The following MCTP1 variants were observed in gnomAD, a reference collection of about 807,000 sequenced individuals.
MCTP1 encodes multiple C2 and transmembrane domain containing 1, also known as multiple C2 and transmembrane domain-containing protein 1.
MCTP1 carries 69 observed loss-of-function variants against 120.6 expected under a neutral mutation model. That is an observed-to-expected ratio of 0.57 (90% CI 0.47 to 0.70). The LOEUF is 0.70. MCTP1 is among the 30% of genes least tolerant of loss of function. The pLI is 0.00. For synonymous variants in MCTP1, 529 were observed against 493.1 expected (o/e 1.07, Z -0.96); for missense variants, 1,203 against 1,248.8 (o/e 0.96, Z 0.55).
chr5:95,067,268 C>T (rs1013168057), intron 1 of MCTP1, among the ~76,000 whole-genome samples: 2 of 152,182 alleles, frequency 1.3e-5, no homozygotes, highest in East Asian at 3.9e-4. Context: ...TTCAAAATAT[C>T]GAAAGGAGGG....
chr5:95,203,011 G>A (rs578015168), intron 1 of MCTP1, among the ~76,000 whole-genome samples: 2 of 152,194 alleles, frequency 1.3e-5, no homozygotes, highest in African/African-American at 2.4e-5. Context: ...TTACAGGCAT[G>A]AGCCACCACT....
intron 1 of MCTP1, among the ~76,000 whole-genome samples, chr5:95,099,508 A>G (rs1224855881): frequency 2.0e-5 from 3 of 152,114 alleles, no homozygotes; most frequent in African/African-American, 7.2e-5. Context: ...TGCAGCCAAA[A>G]AACACATGAA....
At chr5:95,021,607 C>T (rs1044750873) in intron 1 of MCTP1, among the ~76,000 whole-genome samples, 1 of 151,822 alleles carries the variant, frequency 6.6e-6, no homozygotes, top group Non-Finnish European at 1.5e-5. Context: ...CATTTCCATT[C>T]TGATAAGGTT....
chr5:95,097,254 A>G (rs1756340957), intron 1 of MCTP1, among the ~76,000 whole-genome samples: 1 of 152,242 alleles, frequency 6.6e-6, no homozygotes, highest in Admixed American at 6.5e-5. Flanking sequence ...TATGAAAAAA[A>G]TAAGATAGGT....
chr5:94,871,721 A>G (rs1797884596), intron 13 of MCTP1, among the ~76,000 whole-genome samples: 3 of 152,122 alleles, frequency 2.0e-5, no homozygotes, highest in Admixed American at 1.3e-4. Context: ...AAAAATCAAG[A>G]AGTAGCACTG....
intron 19 of MCTP1, among the ~76,000 whole-genome samples, chr5:94,754,033 C>A (rs1331804140): frequency 6.6e-6 from 1 of 152,170 alleles, no homozygotes; most frequent in Non-Finnish European, 1.5e-5. Context: ...TAAAATATAT[C>A]TTATTTACCT....
chr5:94,956,166 A>C (rs1431510284), intron 2 of MCTP1, among the ~76,000 whole-genome samples: 4 of 152,234 alleles, frequency 2.6e-5, no homozygotes, highest in Non-Finnish European at 4.4e-5. Context: ...GAACTGCAGA[A>C]GAGGGACCTG....
chr5:95,217,554 T>C lies in MCTP1; in HGVS notation c.720+66302A>G, dbSNP rs139922562. On this transcript the variant is annotated intron_variant, in intron 1 of 22. Coordinates refer to ENST00000515393, the MANE Select transcript of MCTP1 (RefSeq NM_024717.7). ...AGGGAATGTGAGGTCATAATCTCTG[T>C]CATTAAACTCCCATGAAGTCAGACA... Among the ~76,000 whole-genome samples, 895 of 152,306 alleles carry C rather than the reference T, an allele frequency of 5.9e-3. 2 individuals are homozygous for C. The highest frequency in any genetic ancestry group is 0.027 in the Middle Eastern group (8 of 294).
At chr5:94,954,430 G>T (rs1283815421) in intron 2 of MCTP1, among the ~76,000 whole-genome samples, 1 of 151,756 alleles carries the variant, frequency 6.6e-6, no homozygotes, top group South Asian at 2.1e-4. Context: ...GAGGGGTGAA[G>T]AATGAAATAC....
chr5:94,913,178 G>T (rs1221588318), intron 8 of MCTP1, among the ~76,000 whole-genome samples: 1 of 151,910 alleles, frequency 6.6e-6, no homozygotes, highest in African/African-American at 2.4e-5. Context: ...TAAATTCGTT[G>T]TGTAAAAGAG....
At chr5:95,123,651 CTTTT>C (rs67736041) in intron 1 of MCTP1, among the ~76,000 whole-genome samples, 21 of 145,356 alleles carry the variant, frequency 1.4e-4, no homozygotes, top group Admixed American at 2.7e-4. Flanking sequence ...ACAAGCTCTG[CTTTT>C]TTTTTTTTTT....
intron 8 of MCTP1, among the ~76,000 whole-genome samples, chr5:94,914,294 A>C (rs1809514464): frequency 6.6e-6 from 1 of 152,182 alleles, no homozygotes; most frequent in South Asian, 2.1e-4. Flanking sequence ...GATTAGCACT[A>C]CTTTCTATCT....
chr5:94,944,341 T>A (rs2153513501), intron 3 of MCTP1, among the ~76,000 whole-genome samples: 1 of 152,300 alleles, frequency 6.6e-6, no homozygotes, highest in Middle Eastern at 3.4e-3. Context: ...TTTAGTCATC[T>A]GCTCAGTGGT....
intron 1 of MCTP1, among the ~76,000 whole-genome samples, chr5:95,150,939 G>A (rs1452280625): frequency 6.6e-6 from 1 of 151,978 alleles, no homozygotes; most frequent in Admixed American, 6.6e-5. Flanking sequence ...AATGTATACT[G>A]TAATCTTACA....
rs201449903 is a variant in MCTP1 at position 94,735,445 on chromosome 5, A to AT, written c.2611-20560dup. 4.5e-4 allele frequency among the ~76,000 whole-genome samples: 67 copies of AT among 150,410 alleles called. 1 individual carries two copies. The highest frequency in any genetic ancestry group is 6.8e-4 in the African/African-American group (28 of 40,998). On this transcript the variant is annotated intron_variant, in intron 19 of 22. Transcript: ENST00000515393. ...AGGCGTACACCGCCATGCCTGGTTA[A>AT]TTTTTTTTTTAAATAGAGACAGGGT...
At chr5:94,857,459 A>C (rs564998777) in intron 17 of MCTP1, among the ~76,000 whole-genome samples, 1 of 151,854 alleles carries the variant, frequency 6.6e-6, no homozygotes, top group East Asian at 1.9e-4. Flanking sequence ...ATATGCCTTC[A>C]GTGCCTTTGG....
chr5:94,943,270 A>G (rs1258932086), intron 3 of MCTP1, among the ~76,000 whole-genome samples: 1 of 152,096 alleles, frequency 6.6e-6, no homozygotes, highest in Non-Finnish European at 1.5e-5. Context: ...AGACACCCAA[A>G]TAATGGGAAG....
intron 1 of MCTP1, among the ~76,000 whole-genome samples, chr5:95,242,039 G>GA (rs1756224042): frequency 6.6e-6 from 1 of 152,004 alleles, no homozygotes; most frequent in South Asian, 2.1e-4. Flanking sequence ...GGCTTAGTGA[G>GA]AAAAAAAGTC....
At chr5:94,742,810 T>C (rs1200144346) in intron 19 of MCTP1, among the ~76,000 whole-genome samples, 2 of 152,148 alleles carry the variant, frequency 1.3e-5, no homozygotes, top group Non-Finnish European at 2.9e-5. Flanking sequence ...AATTTCAATA[T>C]ATATCTTCTA....
Sources: gnomAD v4.1 joint callset for allele counts (sites outside exome capture counted in the v4.1 genomes callset) on GRCh38, gnomAD v4.1.1 for gene constraint, MANE v1.5 for transcripts, NCBI Gene and HGNC (gene_info 2026-07-23, HGNC 2026-07-21) for gene names.